The following GOLGA4 variants were observed in gnomAD, a reference collection of about 807,000 sequenced individuals.
GOLGA4 encodes the protein golgin subfamily A member 4.
In GOLGA4, 169 loss-of-function variants were observed where a neutral mutation model predicts 265.9. The observed-to-expected ratio is 0.64, with a 90% CI of 0.56 to 0.72. GOLGA4 has a LOEUF of 0.72. Among genes scored for constraint, GOLGA4 ranks in the 30% least tolerant of loss-of-function variants. The probability of loss-of-function intolerance (pLI) is 0.00; values close to 1 mark genes in which losing one functional copy is unlikely to be tolerated. For synonymous variants in GOLGA4, 923 were observed against 855.8 expected (o/e 1.08, Z -1.37); for missense variants, 2,482 against 2,483.4 (o/e 1.00, Z 0.01).
chr3:37,340,128 A>T lies in GOLGA4; in HGVS notation c.6401A>T (p.His2134Leu). The change falls in exon 20 of 24, where the codon CAC becomes CTC. Residue 2134 changes from histidine (H) to leucine (L), a missense_variant. By Grantham distance (99) the His-to-Leu change is moderately conservative. Coordinates refer to ENST00000361924, the MANE Select transcript of GOLGA4 (RefSeq NM_002078.5). ...LKEQEFREQI[H>L]NLEDRLKKYE... Reference sequence around the variant, plus strand: ...CTGATTATTTGTTATTTTTAGATTCACAATTTAGAAGACCGTTTGAAGAAA... The same window carrying T: ...CTGATTATTTGTTATTTTTAGATTCTCAATTTAGAAGACCGTTTGAAGAAA... 8.0e-7 allele frequency: 1 copy of T among 1,251,974 alleles called. No homozygotes were observed. Among genetic ancestry groups the T allele is most frequent in the Non-Finnish European group, 1.2e-6 (1 of 865,190 alleles). 77.6% of individuals were successfully genotyped at this position (1,251,974 alleles called of 1,614,324 possible). A position where few individuals can be genotyped will look rare whatever the true frequency, so the allele number is the denominator to read the frequency against.
intron 4 of GOLGA4, among the ~76,000 whole-genome samples, chr3:37,287,304 G>A (rs754753373): frequency 6.6e-6 from 1 of 152,236 alleles, no homozygotes; most frequent in African/African-American, 2.4e-5. Context: ...TCGTGCCATT[G>A]CACTCCAGCC....
chr3:37,278,163 A>G (rs2096824566), intron 2 of GOLGA4, among the ~76,000 whole-genome samples: 1 of 152,064 alleles, frequency 6.6e-6, no homozygotes. Context: ...AAAAAAAAGA[A>G]TATTATTAAA....
intron 1 of GOLGA4, chr3:37,249,937 A>G (rs2096729381): frequency 1.3e-5 from 2 of 152,164 alleles, no homozygotes; most frequent in African/African-American, 4.8e-5. Context: ...TTCTGTCTCC[A>G]TTGTCATCAG....
At chr3:37,243,972 G>T in intron 1 of GOLGA4, 1 of 255,112 alleles carries the variant, frequency 3.9e-6, no homozygotes, top group Admixed American at 5.6e-5. Flanking sequence ...CCCCACGCTG[G>T]GAATGAGGGC....
rs370441570 is a variant in GOLGA4, at chr3:37,258,135, GTA to G, written c.162+6661_162+6662del. ...ATATGTGTGTATATATATATGCTCTGTATATATATATGTTCTGTATATGTATG... is the reference window on the plus strand; with the variant it reads ...ATATGTGTGTATATATATATGCTCTGTATATATATGTTCTGTATATGTATG... On this transcript the variant is annotated intron_variant, in intron 2 of 23. Transcript: ENST00000361924. Among the ~76,000 whole-genome samples the G allele has an allele frequency of 5.2e-3, 698 of 133,982 alleles. 45 individuals carry two copies. Among genetic ancestry groups the G allele is most frequent in the African/African-American group, 0.019 (629 of 33,842 alleles). The allele number at this position is 133,982 out of a possible 152,430, so 87.9% of individuals were successfully genotyped here.
chr3:37,296,105 C>G lies in GOLGA4; in HGVS notation c.700C>G (p.Arg234Gly). Residue 234 changes from arginine (R) to glycine (G), a missense_variant, in exon 7 of 24, where the codon CGA (arginine) becomes GGA (glycine). Transcript: ENST00000361924. The stretch of plus-strand genomic sequence containing the variant: ...ATATTAGGTTTCTCTACTGAAACAA[C>G]GATTACGAAATGGCCCGATGAATGT... Reference protein sequence around the residue: ...LQTQVSLLKQRLRNGPMNVDV... With the variant: ...LQTQVSLLKQGLRNGPMNVDV... 41 of 1,613,596 alleles carry G rather than the reference C, an allele frequency of 2.5e-5. No individual in the cohort carries two copies. The highest frequency in any genetic ancestry group is 3.3e-5 in the Non-Finnish European group (39 of 1,179,572).
intron 9 of GOLGA4, 41 bp downstream of exon 9, chr3:37,299,412 G>A: frequency 8.3e-7 from 1 of 1,210,788 alleles, no homozygotes; most frequent in Non-Finnish European, 1.2e-6. Context: ...TTGTCAAGAG[G>A]CCCCAACATT....
At chr3:37,361,898 A>G (rs1017734200) in intron 23 of GOLGA4, among the ~76,000 whole-genome samples, 4 of 152,254 alleles carry the variant, frequency 2.6e-5, no homozygotes, top group African/African-American at 9.6e-5. Flanking sequence ...TTAACATATT[A>G]CAGTGAAATG....
chr3:37,282,216 C>G lies in GOLGA4; in HGVS notation c.421C>G (p.Gln141Glu), dbSNP rs1447669404. The G allele has an allele frequency of 4.3e-6, 7 of 1,614,036 alleles. No individual in the cohort carries two copies. Among genetic ancestry groups the G allele is most frequent in the Non-Finnish European group, 5.9e-6 (7 of 1,180,000 alleles). ...CAGTCTCAACAAAGAACAGTTGATT[C>G]AGCGGTTGCGAAGAATGGAACGAAG... is the stretch of plus-strand genomic sequence containing the variant. ...SDSLNKEQLI[Q>E]RLRRMERSLS... Residue 141 changes from glutamine to glutamate, a missense_variant, in exon 3 of 24, where the codon CAG (glutamine) becomes GAG (glutamate). This residue lies in a region of GOLGA4 where 1,536 missense variants were observed against 1,483.7 expected (regional missense o/e 1.04). Coordinates refer to ENST00000361924, the MANE Select transcript of GOLGA4 (RefSeq NM_002078.5).
rs376278529 is a variant in GOLGA4, at chr3:37,323,849, A to G, written c.1963A>G (p.Thr655Ala). 1.9e-6 allele frequency: 3 copies of G among 1,610,608 alleles called. No individual in the cohort carries two copies. Among genetic ancestry groups the G allele is most frequent in the Non-Finnish European group, 2.5e-6 (3 of 1,179,300 alleles). Residue 655 changes from threonine (T) to alanine (A), a missense_variant, in exon 14 of 24, where the codon ACA (threonine) becomes GCA (alanine). Coordinates refer to ENST00000361924, the MANE Select transcript of GOLGA4 (RefSeq NM_002078.5). The part of the protein sequence containing the change: ...LREKCEQEKE[T>A]LLKDKEIIFQ... ...GGAAAAGTGTGAACAAGAAAAAGAA[A>G]CATTGTTGAAAGACAAAGAGATTAT...
At chr3:37,322,958 A>G (rs1025811604) in intron 13 of GOLGA4, among the ~76,000 whole-genome samples, 12 of 152,006 alleles carry the variant, frequency 7.9e-5, no homozygotes, top group African/African-American at 2.9e-4. Flanking sequence ...CAATCTTCCT[A>G]CCAGAAGTTA....
intron 22 of GOLGA4, among the ~76,000 whole-genome samples, chr3:37,356,721 G>A (rs192629938): frequency 5.9e-4 from 90 of 152,198 alleles, no homozygotes; most frequent in African/African-American, 2.1e-3. Context: ...TTCTAATGCA[G>A]TTTGAGCCTG....
At chr3:37,278,629 A>G (rs1252873526) in intron 2 of GOLGA4, among the ~76,000 whole-genome samples, 1 of 152,234 alleles carries the variant, frequency 6.6e-6, no homozygotes, top group Non-Finnish European at 1.5e-5. Flanking sequence ...GAATGAATGT[A>G]GGTGATATTC....
chr3:37,361,848 C>G (rs892025472), intron 23 of GOLGA4, among the ~76,000 whole-genome samples: 2 of 152,182 alleles, frequency 1.3e-5, no homozygotes, highest in Non-Finnish European at 2.9e-5. Flanking sequence ...CTGAGGAGAC[C>G]GTTAGGCAGC....
intron 17 of GOLGA4, 139 bp from the exon 18 acceptor site, chr3:37,337,004 G>T: frequency 1.6e-6 from 1 of 629,686 alleles, no homozygotes. Context: ...ATTTAAAGTT[G>T]CCTTACCTCA....
intron 23 of GOLGA4, 135 bp from the exon 24 acceptor site, chr3:37,365,945 C>G (rs898495639): frequency 1.1e-5 from 7 of 632,626 alleles, no homozygotes; most frequent in Non-Finnish European, 1.8e-5. Flanking sequence ...ATTTCTGCCT[C>G]TTTACTGCAG....
chr3:37,309,996 G>T (rs11922588), intron 10 of GOLGA4, among the ~76,000 whole-genome samples: 168 of 152,292 alleles, frequency 1.1e-3, no homozygotes, highest in African/African-American at 3.8e-3. Flanking sequence ...CTGTTAATTT[G>T]CATTTCATTC....
chr3:37,326,165 G>C lies in GOLGA4; in HGVS notation c.4279G>C (p.Glu1427Gln). 1 of 1,613,496 alleles carries C rather than the reference G, an allele frequency of 6.2e-7. No individual in the cohort carries two copies. ...LSFKVDTLSK[E>Q]KISALEQVDD... ...TTTTAAAGTTGACACTCTGAGTAAA[G>C]AGAAAATTTCTGCTCTTGAGCAGGT... The change falls in exon 14 of 24, where the codon GAG becomes CAG. Residue 1427 changes from glutamate to glutamine, a missense_variant. Glu to Gln is a conservative substitution (Grantham distance 29). This residue lies in a region of GOLGA4 where 942 missense variants were observed against 983.1 expected (regional missense o/e 0.96). Transcript: ENST00000361924.
chr3:37,287,165 AC>A (rs1387353565), intron 4 of GOLGA4, among the ~76,000 whole-genome samples: 2 of 152,182 alleles, frequency 1.3e-5, no homozygotes, highest in Admixed American at 6.5e-5. Context: ...ACATGATGAA[AC>A]CCTGTCTCTA....
Sources: allele counts gnomAD v4.1 joint callset (sites outside exome capture counted in the v4.1 genomes callset), GRCh38; gene constraint gnomAD v4.1.1; regional missense constraint gnomAD v4.1.1; transcripts MANE v1.5; gene names NCBI Gene and HGNC (gene_info 2026-07-23, HGNC 2026-07-21).